Variants in POLD1 observed in about 807,000 individuals in gnomAD.
POLD1 encodes DNA polymerase delta catalytic subunit.
POLD1 carries 79 observed loss-of-function variants against 129.7 expected under a neutral mutation model. The observed-to-expected ratio is 0.61, with a 90% CI of 0.51 to 0.73. The LOEUF is 0.73. Among genes scored for constraint, POLD1 ranks in the 30% least tolerant of loss-of-function variants. The pLI is 0.00. For missense variants in POLD1, 1,338 were observed against 1,595.8 expected (o/e 0.84, Z 2.75); for synonymous variants, 714 against 683.3 (o/e 1.04, Z -0.70).
intron 8 of POLD1, 113 bp downstream of exon 8, chr19:50,402,854 C>A: frequency 7.0e-7 from 1 of 1,434,866 alleles, no homozygotes; most frequent in Non-Finnish European, 9.4e-7. Flanking sequence ...GGCAGGAGCA[C>A]CCCAGCCCAT....
At chr19:50,417,671 T>TCCCCCCCCCCCCCCCCCCCCCC (rs3840923) in intron 26 of POLD1, among the ~76,000 whole-genome samples, 171 bp from the exon 27 acceptor site, 21 of 110,506 alleles carry the variant, frequency 1.9e-4, no homozygotes, top group South Asian at 3.2e-4. Flanking sequence ...TGTTATCGGC[T>TCCCCCCCCCCCCCCCCCCCCCC]CCCCCCCCCC....
intron 3 of POLD1, 75 bp downstream of exon 3, chr19:50,399,559 T>C (rs769004892): frequency 2.2e-4 from 248 of 1,115,184 alleles, no homozygotes; most frequent in Non-Finnish European, 3.1e-4. Context: ...TCAGCCCCTC[T>C]GGCCCTGTGC....
chr19:50,399,619 G>C, intron 3 of POLD1, 135 bp downstream of exon 3: 1 of 661,654 alleles, frequency 1.5e-6, no homozygotes, highest in Non-Finnish European at 2.7e-6. Context: ...CTGCCCCTCT[G>C]GTTGCCATAG....
At chr19:50,397,713 C>A (rs983851403) in intron 1 of POLD1, among the ~76,000 whole-genome samples, 4 of 152,050 alleles carry the variant, frequency 2.6e-5, no homozygotes, top group Non-Finnish European at 5.9e-5. Flanking sequence ...CTGATTATGT[C>A]TTTAAAAGAA....
At chr19:50,392,650 G>GT (rs3219326) in intron 1 of POLD1, among the ~76,000 whole-genome samples, 10,872 of 152,066 alleles carry the variant, frequency 0.071, 1,289 homozygotes, top group African/African-American at 0.24. Flanking sequence ...GCTAATTTTT[G>GT]TATTTTAGTA....
chr19:50,384,760 TC>T, intron 1 of POLD1, among the ~76,000 whole-genome samples: 2 of 152,290 alleles, frequency 1.3e-5, no homozygotes, highest in Middle Eastern at 6.8e-3. Context: ...GTCAGAGAAG[TC>T]CCTGTCTCGG....
At chr19:50,414,216 C>T (rs940875224) in intron 19 of POLD1, among the ~76,000 whole-genome samples, 4 of 152,250 alleles carry the variant, frequency 2.6e-5, no homozygotes, top group African/African-American at 9.6e-5. Flanking sequence ...GCCCCTGGCC[C>T]TCTGAGTGCG....
intron 22 of POLD1, 105 bp from the exon 23 acceptor site, chr19:50,416,291 C>A: frequency 1.6e-6 from 2 of 1,231,250 alleles, no homozygotes; most frequent in Non-Finnish European, 2.2e-6. Context: ...CATGTCACAG[C>A]CCGCAGGCAG....
At chr19:50,401,423 T>TTTTTTTTTTTTTTGTG (rs1429244445) in intron 3 of POLD1, among the ~76,000 whole-genome samples, 1 of 137,456 alleles carries the variant, frequency 7.3e-6, no homozygotes, top group African/African-American at 2.8e-5. Context: ...TTTCTTTTTT[T>TTTTTTTTTTTTTTGTG]TGAGACTGGG....
intron 1 of POLD1, among the ~76,000 whole-genome samples, chr19:50,397,090 CAAAAAA>C (rs781378096): frequency 2.6e-5 from 2 of 77,616 alleles, no homozygotes; most frequent in Non-Finnish European, 2.8e-5. Flanking sequence ...GACTCCATCT[CAAAAAA>C]AAAAAAAAAA....
In POLD1 at chr19:50,407,109, G is replaced by A. The variant is rs769479614; in HGVS notation, c.1621G>A (p.Val541Met). 3.1e-6 allele frequency: 5 copies of A among 1,613,434 alleles called. No homozygotes were observed. Among genetic ancestry groups the A allele is most frequent in the Admixed American group, 1.7e-5 (1 of 59,982 alleles). The change falls in exon 13 of 27, where the codon GTG (valine) becomes ATG (methionine). Residue 541 changes from valine to methionine, a missense_variant. Physicochemically the swap from Val to Met is conservative, Grantham distance 21. Coordinates refer to ENST00000440232, the MANE Select transcript of POLD1 (RefSeq NM_002691.4). ...CGTGGAGATGGCGAGGGTCACTGGC[G>A]TGCCCCTCAGCTACCTGCTCAGTCG... ...NAVEMARVTG[V>M]PLSYLLSRGQ...
intron 19 of POLD1, among the ~76,000 whole-genome samples, 169 bp from the exon 20 acceptor site, chr19:50,414,646 G>A (rs937518560): frequency 1.8e-4 from 27 of 152,232 alleles, no homozygotes; most frequent in African/African-American, 6.3e-4. Context: ...GGCCTCAGGA[G>A]CCACTTCCAG....
chr19:50,409,243 C>T lies in POLD1; in HGVS notation c.2006+8C>T, dbSNP rs1601226824. On this transcript the variant is annotated splice_region_variant and intron_variant, in intron 16 of 26. Transcript: ENST00000440232. The surrounding 1 kb of genome is among the most constrained non-coding windows in gnomAD (Gnocchi z 5.8). ...GCTCAGTGCCCGGAAGAGGTGAGCC[C>T]TGGAGATCGCCTGCTTGGAGCTCAG... 1.3e-6 allele frequency: 2 copies of T among 1,575,662 alleles called. No homozygotes were observed. The highest frequency in any genetic ancestry group is 1.7e-6 in the Non-Finnish European group (2 of 1,145,464).
chr19:50,402,666 C>T lies in POLD1; in HGVS notation c.895C>T (p.Pro299Ser), dbSNP rs759271754. ...DVLWSDVVSHPPEGPWQRIAP... is the reference protein window; with the variant it reads ...DVLWSDVVSHSPEGPWQRIAP... Reference sequence around the variant, plus strand: ...GCTGTGGTCTGACGTGGTCAGTCACCCACCGGAAGGGCCATGGCAGCGCAT... The same window carrying T: ...GCTGTGGTCTGACGTGGTCAGTCACTCACCGGAAGGGCCATGGCAGCGCAT... Residue 299 changes from proline (P) to serine (S), a missense_variant, in exon 8 of 27, where the codon CCA becomes TCA. Physicochemically the swap from Pro to Ser is moderately conservative, Grantham distance 74. This residue lies in a region of POLD1 where 720 missense variants were observed against 1,002.6 expected (regional missense o/e 0.72). Transcript: ENST00000440232. 14 of 1,596,126 alleles carry T rather than the reference C, an allele frequency of 8.8e-6. No individual in the cohort carries two copies. The highest frequency in any genetic ancestry group is 1.9e-4 in the Middle Eastern group (1 of 5,280).
intron 26 of POLD1, among the ~76,000 whole-genome samples, chr19:50,417,486 G>A (rs117035256): frequency 2.6e-3 from 390 of 152,296 alleles, no homozygotes; most frequent in Middle Eastern, 0.01. Context: ...GGCAGCGCCC[G>A]GCACCCAGTG....
chr19:50,415,701 C>A, intron 21 of POLD1, 23 bp from the exon 22 acceptor site: 1 of 1,523,822 alleles, frequency 6.6e-7, no homozygotes, highest in Admixed American at 2.0e-5. Context: ...CCCTCACCCA[C>A]CCGCCACCCC....
In POLD1 at chr19:50,415,541, G is replaced by A. The variant is rs1555793052; in HGVS notation, c.2668G>A (p.Ala890Thr). Residue 890 changes from alanine to threonine, a missense_variant, in exon 21 of 27, where the codon GCG (alanine) becomes ACG (threonine). Around this residue, in one of 3 missense-constraint regions of POLD1, gnomAD observed 720 missense variants for 1,002.6 expected, o/e 0.72. Transcript: ENST00000440232. Reference sequence around the variant, plus strand: ...GGTCATCACCAAGGAGCTGACCCGCGCGGCCTCCGACTATGCCGGCAAGCA... The same window carrying A: ...GGTCATCACCAAGGAGCTGACCCGCACGGCCTCCGACTATGCCGGCAAGCA... The part of the protein sequence containing the change: ...QLVITKELTR[A>T]ASDYAGKQAH... 3.7e-6 allele frequency: 6 copies of A among 1,613,026 alleles called. No homozygotes were observed. The highest frequency in any genetic ancestry group is 1.7e-5 in the Admixed American group (1 of 59,992).
rs1236887089 is a variant in POLD1 at position 50,409,130 on chromosome 19, A to C, written c.1901A>C (p.Glu634Ala). Residue 634 changes from glutamate to alanine, a missense_variant, in exon 16 of 27, where the codon GAG (glutamate) becomes GCG (alanine). Coordinates refer to ENST00000440232, the MANE Select transcript of POLD1 (RefSeq NM_002691.4). This position sits in a 1 kb window ranked among gnomAD's most constrained non-coding sequence, Gnocchi z 5.8. The stretch of plus-strand genomic sequence containing the variant: ...AACATCTTCCAACCCAGCCTGACTG[A>C]GGATCAGTTCATCAGGACCCCCACC... ...PGTAQKLGLT[E>A]DQFIRTPTGD... The C allele has an allele frequency of 1.2e-6, 2 of 1,609,792 alleles. No individual in the cohort carries two copies. Among genetic ancestry groups the C allele is most frequent in the Admixed American group, 3.3e-5 (2 of 60,010 alleles).
At chr19:50,401,385 ATATATATTTTTT>A (rs2038610091) in intron 3 of POLD1, among the ~76,000 whole-genome samples, 4 of 58,286 alleles carry the variant, frequency 6.9e-5, no homozygotes, top group African/African-American at 1.6e-4. Flanking sequence ...ATATATATAT[ATATATATTTTTT>A]TTTTTTTTTT....
Sources: gnomAD v4.1 joint callset for allele counts (sites outside exome capture counted in the v4.1 genomes callset) on GRCh38, gnomAD v4.1.1 for gene constraint, gnomAD v4.1.1 regional missense constraint, Gnocchi (gnomAD v3.1) non-coding constraint, MANE v1.5 for transcripts, NCBI Gene and HGNC (gene_info 2026-07-23, HGNC 2026-07-21) for gene names.